The following CYYR1 variants were observed in gnomAD, a reference collection of about 807,000 sequenced individuals.
CYYR1 encodes the protein cysteine and tyrosine-rich protein 1.
In CYYR1, 14 loss-of-function variants were observed where a neutral mutation model predicts 15.2. That is an observed-to-expected ratio of 0.92 (90% CI 0.61 to 1.44). CYYR1 has a LOEUF of 1.44. Among genes scored for constraint, CYYR1 ranks in the 40% most tolerant of loss-of-function variants. CYYR1 has a pLI of 0.00. For synonymous variants in CYYR1, 80 were observed against 77.4 expected (o/e 1.03, Z -0.18); for missense variants, 228 against 209.5 (o/e 1.09, Z -0.54).
At chr21:26,480,555 TTTTTC>T in intron 2 of CYYR1, 126 bp from the exon 3 acceptor site, 1 of 998,364 alleles carries the variant, frequency 1.0e-6, no homozygotes, top group Non-Finnish European at 1.3e-6. Context: ...TGTGTGTGTG[TTTTTC>T]TTTTCTTTTT....
intron 2 of CYYR1, among the ~76,000 whole-genome samples, chr21:26,549,171 G>A (rs1979196001): frequency 6.6e-6 from 1 of 152,124 alleles, no homozygotes; most frequent in Admixed American, 6.5e-5. Context: ...TACTGGCTTA[G>A]GATACATCGT....
chr21:26,536,849 C>T (rs1430105256), intron 2 of CYYR1, among the ~76,000 whole-genome samples: 2 of 152,146 alleles, frequency 1.3e-5, no homozygotes, highest in African/African-American at 2.4e-5. Context: ...GACTTATTCT[C>T]AGCTTTCTGG....
At chr21:26,494,377 G>C (rs1184802287) in intron 2 of CYYR1, among the ~76,000 whole-genome samples, 4 of 152,088 alleles carry the variant, frequency 2.6e-5, no homozygotes, top group African/African-American at 7.2e-5. Flanking sequence ...TCTGAGGGGG[G>C]AGAAAGAGAA....
At chr21:26,504,981 A>C (rs1472488929) in intron 2 of CYYR1, among the ~76,000 whole-genome samples, 1 of 152,206 alleles carries the variant, frequency 6.6e-6, no homozygotes, top group Non-Finnish European at 1.5e-5. Context: ...CCCGAATACA[A>C]ATTAATACAT....
intron 2 of CYYR1, among the ~76,000 whole-genome samples, chr21:26,563,848 C>G (rs545196504): frequency 6.6e-6 from 1 of 152,242 alleles, no homozygotes; most frequent in East Asian, 1.9e-4. Flanking sequence ...ATATTTTGCT[C>G]TCTTTTTAGC....
At chr21:26,572,563 T>A (rs914443067) in intron 1 of CYYR1, among the ~76,000 whole-genome samples, 5 of 152,156 alleles carry the variant, frequency 3.3e-5, no homozygotes, top group Non-Finnish European at 7.3e-5. Context: ...CAGATAAGTT[T>A]ATTTGGATAT....
intron 2 of CYYR1, among the ~76,000 whole-genome samples, chr21:26,531,253 G>A (rs1302980605): frequency 6.6e-6 from 1 of 152,124 alleles, no homozygotes; most frequent in Non-Finnish European, 1.5e-5. Context: ...TGGATTGGAT[G>A]GATGACTATT....
At chr21:26,554,768 T>A (rs222963) in intron 2 of CYYR1, among the ~76,000 whole-genome samples, 93,638 of 151,820 alleles carry the variant, frequency 0.62, 30,100 homozygotes, top group East Asian at 0.81. Flanking sequence ...TTTTATTTTT[T>A]AAATTATTAT....
rs140020973 is a variant in CYYR1 at position 26,480,349 on chromosome 21, A to G, written c.257T>C (p.Met86Thr). 7.4e-5 allele frequency: 120 copies of G among 1,613,578 alleles called. No individual in the cohort carries two copies. The highest frequency in any genetic ancestry group is 3.3e-4 in the Middle Eastern group (2 of 6,074). ...VIAGIAICIC[M>T]CMKNHRATRV... ...GGTCGCCCTGTGGTTCTTCATGCAC[A>G]TGCAGATGCATATGGCAATCCCAGC... Residue 86 changes from methionine (M) to threonine (T), a missense_variant, in exon 3 of 4, where the codon ATG becomes ACG. Met to Thr is a moderately conservative substitution (Grantham distance 81, BLOSUM62 -1). Transcript: ENST00000652641.
At chr21:26,572,587 CAG>C (rs1981076776) in intron 1 of CYYR1, among the ~76,000 whole-genome samples, 1 of 152,162 alleles carries the variant, frequency 6.6e-6, no homozygotes, top group African/African-American at 2.4e-5. Context: ...TTACTCTATC[CAG>C]AGAGTCAAAT....
chr21:26,564,792 G>A, intron 2 of CYYR1: 1 of 1,248,140 alleles, frequency 8.0e-7, no homozygotes, highest in Non-Finnish European at 1.0e-6. Flanking sequence ...CATTCTCCAA[G>A]TTATACTCGC....
At chr21:26,549,470 C>G (rs1189407057) in intron 2 of CYYR1, among the ~76,000 whole-genome samples, 2 of 152,110 alleles carry the variant, frequency 1.3e-5, no homozygotes, top group Non-Finnish European at 2.9e-5. Context: ...CTTAATAAAC[C>G]TAATTTAAAA....
intron 3 of CYYR1, among the ~76,000 whole-genome samples, chr21:26,479,417 A>C (rs182476330): frequency 6.6e-6 from 1 of 152,134 alleles, no homozygotes; most frequent in African/African-American, 2.4e-5. Flanking sequence ...AGAGAAAGAA[A>C]AGACATGAGT....
chr21:26,566,591 C>T (rs553753082), intron 1 of CYYR1, among the ~76,000 whole-genome samples: 8 of 152,260 alleles, frequency 5.3e-5, no homozygotes, highest in South Asian at 2.1e-4. Context: ...GAATCTTCTA[C>T]ACCAAGCACC....
intron 2 of CYYR1, among the ~76,000 whole-genome samples, chr21:26,544,667 A>G (rs1348736259): frequency 3.3e-5 from 5 of 152,248 alleles, no homozygotes. Context: ...ATAATGTCAG[A>G]GGAAAGAGAA....
In CYYR1 at chr21:26,532,840, C is replaced by T. The variant is rs562725749; in HGVS notation, c.176+33426G>A. Among the ~76,000 whole-genome samples, 120 of 152,218 alleles carry T rather than the reference C, an allele frequency of 7.9e-4. 1 individual carries two copies. Among genetic ancestry groups the T allele is most frequent in the African/African-American group, 2.6e-3 (108 of 41,546 alleles). ...ATGTGGGTGGCTAAGATAGTGACAC[C>T]TTTGCTTTCTGATGGTTCAATGTAC... On this transcript the variant is annotated intron_variant, in intron 2 of 3. Coordinates refer to ENST00000652641, the MANE Select transcript of CYYR1 (RefSeq NM_001320768.2).
chr21:26,483,796 G>A (rs1221097808), intron 2 of CYYR1, among the ~76,000 whole-genome samples: 2 of 151,980 alleles, frequency 1.3e-5, no homozygotes, highest in Admixed American at 1.3e-4. Flanking sequence ...AGATCACCTG[G>A]GTACCAACTA....
intron 2 of CYYR1, among the ~76,000 whole-genome samples, chr21:26,499,133 A>G (rs371849939): frequency 1.3e-5 from 2 of 152,332 alleles, no homozygotes; most frequent in Non-Finnish European, 1.5e-5. Flanking sequence ...CTCCAAAAAG[A>G]TATGTCCATG....
rs1981096444 is a variant in CYYR1 at position 26,572,891 on chromosome 21, A to G, written c.50T>C (p.Leu17Ser). The G allele has an allele frequency of 2.5e-6, 4 of 1,614,086 alleles. No homozygotes were observed. The highest frequency in any genetic ancestry group is 3.4e-6 in the Non-Finnish European group (4 of 1,180,000). Residue 17 changes from leucine (L) to serine (S), a missense_variant, in exon 1 of 4, where the codon TTG becomes TCG. Coordinates refer to ENST00000652641, the MANE Select transcript of CYYR1 (RefSeq NM_001320768.2). ...ACCTGCGTAGACAAAGAGCAGGACCAACTTCGGAAGCAAGACCCCTGGACG... is the reference window on the plus strand; with the variant it reads ...ACCTGCGTAGACAAAGAGCAGGACCGACTTCGGAAGCAAGACCCCTGGACG... ...PVRPGVLLPK[L>S]VLLFVYADDC...
Sources: allele counts gnomAD v4.1 joint callset (sites outside exome capture counted in the v4.1 genomes callset), GRCh38; gene constraint gnomAD v4.1.1; transcripts MANE v1.5; gene names NCBI Gene and HGNC (gene_info 2026-07-23, HGNC 2026-07-21).